The following SYT1 variants were observed in gnomAD, a reference collection of about 807,000 sequenced individuals.
SYT1 encodes synaptotagmin-1.
SYT1 carries 8 observed loss-of-function variants against 44.8 expected under a neutral mutation model. The observed-to-expected ratio is 0.18, with a 90% CI of 0.10 to 0.32. The LOEUF is 0.32. SYT1 is among the 10% of genes least tolerant of loss of function. The pLI is 1.00. For synonymous variants in SYT1, 154 were observed against 188.8 expected (o/e 0.82, Z 1.51); for missense variants, 286 against 509.3 (o/e 0.56, Z 4.22).
intron 8 of SYT1, among the ~76,000 whole-genome samples, chr12:79,346,027 A>G (rs1882590886): frequency 6.6e-6 from 1 of 152,230 alleles, no homozygotes; most frequent in African/African-American, 2.4e-5. Flanking sequence ...TTAAAATGTC[A>G]CAGCATTAAT....
chr12:79,269,412 G>A (rs1274926876), intron 4 of SYT1, among the ~76,000 whole-genome samples: 1 of 151,924 alleles, frequency 6.6e-6, no homozygotes, highest in Non-Finnish European at 1.5e-5. Flanking sequence ...AAGCTCCTAG[G>A]GAAAGGGAAC....
At chr12:79,122,513 CAAAAAAA>C (rs58384133) in intron 3 of SYT1, among the ~76,000 whole-genome samples, 4 of 65,038 alleles carry the variant, frequency 6.2e-5, no homozygotes, top group Non-Finnish European at 1.0e-4. Context: ...GACTCCGTCT[CAAAAAAA>C]AAAAAAAAAA....
At chr12:79,310,044 G>C (rs890613498) in intron 8 of SYT1, among the ~76,000 whole-genome samples, 9 of 152,168 alleles carry the variant, frequency 5.9e-5, no homozygotes, top group South Asian at 2.1e-4. Context: ...GTCAATTTTG[G>C]CTTTTGTTGC....
At chr12:79,035,660 G>T (rs1302309515) in intron 2 of SYT1, among the ~76,000 whole-genome samples, 1 of 151,542 alleles carries the variant, frequency 6.6e-6, no homozygotes, top group Non-Finnish European at 1.5e-5. Flanking sequence ...TGCCATGCCA[G>T]CTTCCTTATA....
chr12:79,057,338 G>A (rs1433496595), intron 3 of SYT1, among the ~76,000 whole-genome samples: 4 of 151,928 alleles, frequency 2.6e-5, no homozygotes, highest in Non-Finnish European at 5.9e-5. Flanking sequence ...TGTACAAAAT[G>A]TTTCAGACTA....
chr12:79,357,776 A>G (rs1883169231), intron 9 of SYT1, among the ~76,000 whole-genome samples: 1 of 152,178 alleles, frequency 6.6e-6, no homozygotes, highest in Non-Finnish European at 1.5e-5. Context: ...GACAATCAAG[A>G]CTTCTGCCTC....
At chr12:79,018,910 TC>T (rs760611742) in intron 2 of SYT1, among the ~76,000 whole-genome samples, 11,220 of 152,134 alleles carry the variant, frequency 0.074, 513 homozygotes, top group East Asian at 0.14. Context: ...GAGAATAATA[TC>T]TGCCTCATAA....
At chr12:79,222,911 T>G (rs1875263136) in intron 4 of SYT1, among the ~76,000 whole-genome samples, 1 of 152,308 alleles carries the variant, frequency 6.6e-6, no homozygotes, top group Admixed American at 6.5e-5. Context: ...TTTTTTTCTT[T>G]CATTATATTT....
intron 8 of SYT1, among the ~76,000 whole-genome samples, chr12:79,329,782 GT>G (rs1397438451): frequency 1.9e-4 from 29 of 152,124 alleles, no homozygotes; most frequent in Non-Finnish European, 5.9e-5. Context: ...AACCTAACAG[GT>G]GCTTCACTCA....
At chr12:79,387,770 T>G (rs1331226855) in intron 9 of SYT1, among the ~76,000 whole-genome samples, 2 of 152,206 alleles carry the variant, frequency 1.3e-5, no homozygotes, top group Non-Finnish European at 2.9e-5. Flanking sequence ...CAATTAAGAT[T>G]TCTTTAACTT....
At chr12:79,182,476 G>A (rs947350828) in intron 3 of SYT1, among the ~76,000 whole-genome samples, 4 of 152,056 alleles carry the variant, frequency 2.6e-5, no homozygotes, top group Non-Finnish European at 5.9e-5. Context: ...GACCATCCAT[G>A]AGAATATACC....
chr12:79,163,538 C>T (rs1871074435), intron 3 of SYT1, among the ~76,000 whole-genome samples: 1 of 152,088 alleles, frequency 6.6e-6, no homozygotes. Context: ...AAGGACTTCA[C>T]AGCCAAGGAA....
intron 9 of SYT1, among the ~76,000 whole-genome samples, chr12:79,440,740 A>G (rs1870361375): frequency 6.6e-6 from 1 of 152,194 alleles, no homozygotes; most frequent in Non-Finnish European, 1.5e-5. Flanking sequence ...TCAATTATCC[A>G]GAGGCCTATT....
At chr12:79,028,657 A>T (rs1872666114) in intron 2 of SYT1, among the ~76,000 whole-genome samples, 1 of 151,374 alleles carries the variant, frequency 6.6e-6, no homozygotes, top group Non-Finnish European at 1.5e-5. Context: ...AGTATTAGCC[A>T]TTTAGGTATA....
chr12:78,976,540 A>G (rs917346212), intron 1 of SYT1: 7 of 152,348 alleles, frequency 4.6e-5, no homozygotes, highest in African/African-American at 1.4e-4. Flanking sequence ...GGGGAAATGT[A>G]AAATTCTATT....
intron 9 of SYT1, among the ~76,000 whole-genome samples, chr12:79,363,360 C>T: frequency 6.6e-6 from 1 of 151,952 alleles, no homozygotes; most frequent in East Asian, 1.9e-4. Flanking sequence ...GTGACAAAAG[C>T]ATGCAAAGTT....
At chr12:79,045,652 T>A (rs1873988786) in intron 2 of SYT1, 1 of 152,246 alleles carries the variant, frequency 6.6e-6, no homozygotes, top group Admixed American at 6.5e-5. Context: ...TCCCTGATTC[T>A]ACCACCAAGA....
intron 9 of SYT1, among the ~76,000 whole-genome samples, chr12:79,360,026 T>C (rs1282517783): frequency 6.6e-6 from 1 of 152,246 alleles, no homozygotes; most frequent in East Asian, 1.9e-4. Flanking sequence ...TGACTGAGTA[T>C]CTAGGGGTGG....
At chr12:78,959,144 G>A (rs1469742744) in intron 1 of SYT1, among the ~76,000 whole-genome samples, 3 of 152,034 alleles carry the variant, frequency 2.0e-5, no homozygotes, top group Non-Finnish European at 4.4e-5. Context: ...GCTGGAATGC[G>A]CAAATGTAGC....
Sources: gnomAD v4.1 joint callset for allele counts (sites outside exome capture counted in the v4.1 genomes callset) on GRCh38, gnomAD v4.1.1 for gene constraint, MANE v1.5 for transcripts, NCBI Gene and HGNC (gene_info 2026-07-23, HGNC 2026-07-21) for gene names.